Variants in SPSB1 observed in about 807,000 individuals in gnomAD.
The protein encoded by SPSB1 is SPRY domain-containing SOCS box protein 1.
SPSB1 carries 8 observed loss-of-function variants against 21.2 expected under a neutral mutation model. That is an observed-to-expected ratio of 0.38 (90% CI 0.22 to 0.68). The LOEUF is 0.68. Ranked by LOEUF, SPSB1 falls within the 30% of genes least tolerant of loss-of-function variation. SPSB1 has a pLI of 0.53. For missense variants in SPSB1, 242 were observed against 377.8 expected (o/e 0.64, Z 2.98); for synonymous variants, 169 against 161.7 (o/e 1.05, Z -0.34).
At chr1:9,326,310 C>G (rs755177136) in intron 1 of SPSB1, among the ~76,000 whole-genome samples, 1 of 152,160 alleles carries the variant, frequency 6.6e-6, no homozygotes, top group Non-Finnish European at 1.5e-5. Context: ...CTCAGTCTCC[C>G]TGCGCACTGG....
rs937444203 is a variant in SPSB1 at position 9,367,637 on chromosome 1, G to A, written c.*62G>A. The A allele has an allele frequency of 1.6e-5, 24 of 1,520,962 alleles. No homozygotes were observed. Among genetic ancestry groups the A allele is most frequent in the East Asian group, 2.4e-5 (1 of 40,906 alleles). 94.2% of individuals were successfully genotyped at this position (1,520,962 alleles called of 1,614,324 possible). A position where few individuals can be genotyped will look rare whatever the true frequency, so the allele number is the denominator to read the frequency against. ...GTGCCAACTCACTGAGCCGCCTGCC[G>A]CTGGGGCCGCCGCACCCTGCACCTT... On this transcript the variant is annotated 3_prime_UTR_variant, in exon 3 of 3. Transcript: ENST00000328089. This position sits in a 1 kb window ranked among gnomAD's most constrained non-coding sequence, Gnocchi z 5.9.
At chr1:9,336,993 A>T (rs1465960737) in intron 1 of SPSB1, among the ~76,000 whole-genome samples, 2 of 152,130 alleles carry the variant, frequency 1.3e-5, no homozygotes, top group African/African-American at 4.8e-5. Context: ...CTATCGTGGC[A>T]TTCAAGGCCC....
intron 1 of SPSB1, among the ~76,000 whole-genome samples, chr1:9,325,252 G>A (rs1376738450): frequency 4.7e-5 from 5 of 105,750 alleles, no homozygotes; most frequent in South Asian, 2.7e-4. Flanking sequence ...CGCCTCCACC[G>A]GTGCAGATGG....
chr1:9,315,124 A>G (rs1639588151), intron 1 of SPSB1, among the ~76,000 whole-genome samples: 1 of 152,242 alleles, frequency 6.6e-6, no homozygotes, highest in Admixed American at 6.5e-5. Context: ...AGAGGTGAGG[A>G]GGGCAAGGCT....
intron 2 of SPSB1, among the ~76,000 whole-genome samples, chr1:9,366,574 G>T (rs1275712322): frequency 7.1e-6 from 1 of 140,862 alleles, no homozygotes; most frequent in Admixed American, 6.9e-5. Flanking sequence ...TGTGTCCTCA[G>T]TTCTTTTTTT....
chr1:9,335,727 G>A (rs1339325407), intron 1 of SPSB1, among the ~76,000 whole-genome samples: 1 of 152,112 alleles, frequency 6.6e-6, no homozygotes, highest in Non-Finnish European at 1.5e-5. Context: ...TTGAGCACTT[G>A]AGCCCAGAAG....
At position 9,328,168 on chromosome 1, in the gene SPSB1, G is replaced by A. The variant is rs554395404; in HGVS notation, c.-149-27575G>A. ...CCCCCTCCTATAGAGCCAGACGAAC[G>A]TGGCTGTGTGGAGGATTCAGTACAG... On this transcript the variant is annotated intron_variant, in intron 1 of 2. Coordinates refer to ENST00000328089, the MANE Select transcript of SPSB1 (RefSeq NM_025106.4). Among the ~76,000 whole-genome samples, 40 of 152,302 alleles carry A rather than the reference G, an allele frequency of 2.6e-4. 1 individual carries two copies. In the East Asian group the frequency reaches 6.6e-3, roughly 25 times the overall value.
rs770065079 is a variant in SPSB1, at chr1:9,356,432, C to G, written c.541C>G (p.Leu181Val). Reference sequence around the variant, plus strand: ...TGTCCCTGACTCCTTCCTGGTAGCCCTGGACATGGACGACGGGACTCTGAG... The same window carrying G: ...TGTCCCTGACTCCTTCCTGGTAGCCGTGGACATGGACGACGGGACTCTGAG... ...FIVPDSFLVALDMDDGTLSFI... is the reference protein window; with the variant it reads ...FIVPDSFLVAVDMDDGTLSFI... The change falls in exon 2 of 3, where the codon CTG (leucine) becomes GTG (valine). Residue 181 changes from leucine (L) to valine (V), a missense_variant. By Grantham distance (32) the Leu-to-Val change is conservative. Transcript: ENST00000328089. The surrounding 1 kb of genome is among the most constrained non-coding windows in gnomAD (Gnocchi z 7.4). 1.2e-6 allele frequency: 2 copies of G among 1,614,136 alleles called. No individual in the cohort carries two copies. The highest frequency in any genetic ancestry group is 8.5e-7 in the Non-Finnish European group (1 of 1,180,042).
chr1:9,303,387 TATAA>T (rs1312970170), intron 1 of SPSB1, among the ~76,000 whole-genome samples: 1 of 152,186 alleles, frequency 6.6e-6, no homozygotes, highest in African/African-American at 2.4e-5. Flanking sequence ...GGGAGGTAGT[TATAA>T]TAAATACCAG....
chr1:9,316,914 C>T (rs1473646772), intron 1 of SPSB1, among the ~76,000 whole-genome samples: 1 of 152,106 alleles, frequency 6.6e-6, no homozygotes, highest in Non-Finnish European at 1.5e-5. Flanking sequence ...TAAGAGTGCC[C>T]CCGGGTAGAG....
chr1:9,342,619 C>A (rs1640108259), intron 1 of SPSB1, among the ~76,000 whole-genome samples: 1 of 152,232 alleles, frequency 6.6e-6, no homozygotes, highest in Non-Finnish European at 1.5e-5. Context: ...GACATCGGTT[C>A]TCCCATGTCC....
At chr1:9,354,757 C>T (rs943469446) in intron 1 of SPSB1, among the ~76,000 whole-genome samples, 1 of 151,850 alleles carries the variant, frequency 6.6e-6, no homozygotes, top group Non-Finnish European at 1.5e-5. Context: ...GCCGAGATCA[C>T]GCCACTGCAC....
chr1:9,332,482 C>T (rs545022181), intron 1 of SPSB1, among the ~76,000 whole-genome samples: 3 of 152,260 alleles, frequency 2.0e-5, no homozygotes, highest in Admixed American at 2.0e-4. Context: ...TTTGAGTCTA[C>T]AAGGGATGTA....
chr1:9,311,129 T>C (rs1639513115), intron 1 of SPSB1, among the ~76,000 whole-genome samples: 1 of 150,344 alleles, frequency 6.7e-6, no homozygotes, highest in Non-Finnish European at 1.5e-5. Context: ...CACGCCACTC[T>C]CAGGGGTGTC....
At chr1:9,343,787 T>C (rs936941801) in intron 1 of SPSB1, among the ~76,000 whole-genome samples, 4 of 148,522 alleles carry the variant, frequency 2.7e-5, no homozygotes, top group Non-Finnish European at 4.5e-5. Flanking sequence ...AGCAGGTTTT[T>C]TGTTTTTTAT....
At chr1:9,306,330 T>G (rs1639410417) in intron 1 of SPSB1, among the ~76,000 whole-genome samples, 1 of 152,182 alleles carries the variant, frequency 6.6e-6, no homozygotes, top group Non-Finnish European at 1.5e-5. Context: ...ACAGCAGAGC[T>G]GGAGTGGGAG....
rs189798676 is a variant in SPSB1 at position 9,360,609 on chromosome 1, C to T, written c.694+4024C>T. ...CCTGGGGGCTGCCGGGAATCCTTGGCGTCCCTTGGTCTGTAGATGCCTCCC... is the reference window on the plus strand; with the variant it reads ...CCTGGGGGCTGCCGGGAATCCTTGGTGTCCCTTGGTCTGTAGATGCCTCCC... On this transcript the variant is annotated intron_variant, in intron 2 of 2. Coordinates refer to ENST00000328089, the MANE Select transcript of SPSB1 (RefSeq NM_025106.4). Among the ~76,000 whole-genome samples, 6 of 152,308 alleles carry T rather than the reference C, an allele frequency of 3.9e-5. 1 individual carries two copies. The highest frequency in any genetic ancestry group is 3.9e-4 in the East Asian group (2 of 5,184).
chr1:9,316,552 G>A (rs1031096955), intron 1 of SPSB1, among the ~76,000 whole-genome samples: 6 of 152,100 alleles, frequency 3.9e-5, no homozygotes, highest in African/African-American at 9.7e-5. Context: ...GCTGGATGGC[G>A]AGGAGGGGGG....
Position 9,356,735 on chromosome 1 carries a change from C to T in SPSB1, c.694+150C>T, listed in dbSNP as rs975305325. ...AGACCCTCAGAGGCAACTTTTGCAT[C>T]GGGTTAAGTGAGGAATTCTACCCAG... is the stretch of plus-strand genomic sequence containing the variant. On this transcript the variant is annotated intron_variant, in intron 2 of 2. Coordinates refer to ENST00000328089, the MANE Select transcript of SPSB1 (RefSeq NM_025106.4). The surrounding 1 kb of genome is among the most constrained non-coding windows in gnomAD (Gnocchi z 7.4). 43 of 1,309,898 alleles carry T rather than the reference C, an allele frequency of 3.3e-5. No individual in the cohort carries two copies. Among genetic ancestry groups the T allele is most frequent in the East Asian group, 1.8e-4 (7 of 38,888 alleles). The allele number at this position is 1,309,898 out of a possible 1,614,324, so 81.1% of individuals were successfully genotyped here. A position where few individuals can be genotyped will look rare whatever the true frequency, so the allele number is the denominator to read the frequency against.
Sources: allele counts gnomAD v4.1 joint callset (sites outside exome capture counted in the v4.1 genomes callset), GRCh38; gene constraint gnomAD v4.1.1; non-coding constraint Gnocchi (gnomAD v3.1); transcripts MANE v1.5; gene names NCBI Gene and HGNC (gene_info 2026-07-23, HGNC 2026-07-21).